ANKRD36B: variants seen among roughly 807,000 people sequenced by gnomAD.
The protein encoded by ANKRD36B is ankyrin repeat domain-containing protein 36B.
A neutral mutation model predicts 135.7 loss-of-function variants in ANKRD36B; 37 were observed. That is an observed-to-expected ratio of 0.27 (90% CI 0.21 to 0.36). ANKRD36B has a LOEUF of 0.36. ANKRD36B is among the 10% of genes least tolerant of loss of function. ANKRD36B has a pLI of 1.00. For synonymous variants in ANKRD36B, 179 were observed against 348.1 expected, an observed-to-expected ratio of 0.51 and a Z score of 5.41; for missense variants, 549 against 1,037.1, an observed-to-expected ratio of 0.53 and a Z score of 6.46.
rs1315477915 is a variant in ANKRD36B, at chr2:97,532,693, C to A, written c.2192-309G>T. 1.3e-4 allele frequency among the ~76,000 whole-genome samples: 11 copies of A among 86,136 alleles called. 2 individuals are homozygous for A. The East Asian group carries it at 2.4e-3, about 19-fold the overall frequency. The allele number at this position is 86,136 out of a possible 152,430, so 56.5% of individuals were successfully genotyped here. A position where few individuals can be genotyped will look rare whatever the true frequency, so the allele number is the denominator to read the frequency against. ...AGCTGAAGATCTCACCACTGCACCT[C>A]CAGCCTGGGTGGCAGAGCGAGACTG... On this transcript the variant is annotated intron_variant, in intron 34 of 43. Transcript: ENST00000359901.
In ANKRD36B at chr2:97,524,811, G is replaced by C. The variant is rs1421313813; in HGVS notation, c.2266-1344C>G. ...AAGTTTTTTTACCCTAATTTGTCTTGTTTGATCCACATTCTCTCATACTTT... is the reference window on the plus strand; with the variant it reads ...AAGTTTTTTTACCCTAATTTGTCTTCTTTGATCCACATTCTCTCATACTTT... On this transcript the variant is annotated intron_variant, in intron 35 of 43. Transcript: ENST00000359901. 4.1e-5 allele frequency: 4 copies of C among 96,748 alleles called. 1 individual carries two copies. Among genetic ancestry groups the C allele is most frequent in the African/African-American group, 1.2e-4 (4 of 32,278 alleles). The allele number at this position is 96,748 out of a possible 1,614,324, so 6.0% of individuals were successfully genotyped here.
intron 10 of ANKRD36B, 70 bp from the exon 11 acceptor site, chr2:97,557,202 T>C: frequency 6.7e-7 from 1 of 1,497,214 alleles, no homozygotes; most frequent in South Asian, 1.3e-5. Context: ...ATTCATGCAG[T>C]GTTAGCATCA....
Position 97,543,527 on chromosome 2 carries a change from C to T in ANKRD36B, c.1783+263G>A, listed in dbSNP as rs1258006682. On this transcript the variant is annotated intron_variant, in intron 26 of 43. Transcript: ENST00000359901. ...AATTAAAGCAAAATTATGCTGTTCCCCTGAGCCCCTTATGTCTTGAACTGC... is the reference window on the plus strand; with the variant it reads ...AATTAAAGCAAAATTATGCTGTTCCTCTGAGCCCCTTATGTCTTGAACTGC... Among the ~76,000 whole-genome samples the T allele has an allele frequency of 2.1e-5, 2 of 96,652 alleles. 1 individual carries two copies. Among genetic ancestry groups the T allele is most frequent in the Non-Finnish European group, 5.5e-5 (2 of 36,128 alleles). The allele number at this position is 96,652 out of a possible 152,430, so 63.4% of individuals were successfully genotyped here. A position where few individuals can be genotyped will look rare whatever the true frequency, so the allele number is the denominator to read the frequency against.
chr2:97,547,830 G>A, intron 20 of ANKRD36B, 99 bp from the exon 21 acceptor site: 2 of 1,480,940 alleles, frequency 1.4e-6, no homozygotes, highest in African/African-American at 1.4e-5. Context: ...CTTCCTGCCT[G>A]TATTAGCATA....
chr2:97,589,180 C>T (rs2083234029), intron 1 of ANKRD36B, among the ~76,000 whole-genome samples: 1 of 123,382 alleles, frequency 8.1e-6, no homozygotes, highest in Non-Finnish European at 1.7e-5. Flanking sequence ...ACCCCCACCT[C>T]CAGTCCTCTA....
In ANKRD36B at chr2:97,535,352, T is replaced by C. The variant is rs532875716; in HGVS notation, c.2191+948A>G. Among the ~76,000 whole-genome samples, 152 of 102,428 alleles carry C rather than the reference T, an allele frequency of 1.5e-3. 11 individuals are homozygous for C. Among genetic ancestry groups the C allele is most frequent in the African/African-American group, 3.7e-3 (133 of 36,248 alleles). 67.2% of individuals were successfully genotyped at this position (102,428 alleles called of 152,430 possible). A position where few individuals can be genotyped will look rare whatever the true frequency, so the allele number is the denominator to read the frequency against. ...AAAGATAGCACAAAGAAATGGTTAATGCTTGAGGTGATGGATAACCCATTA... is the reference window on the plus strand; with the variant it reads ...AAAGATAGCACAAAGAAATGGTTAACGCTTGAGGTGATGGATAACCCATTA... On this transcript the variant is annotated intron_variant, in intron 34 of 43. Coordinates refer to ENST00000359901, the MANE Select transcript of ANKRD36B (RefSeq NM_001393939.1).
intron 16 of ANKRD36B, among the ~76,000 whole-genome samples, chr2:97,552,203 C>A: frequency 6.6e-6 from 1 of 151,936 alleles, no homozygotes; most frequent in Non-Finnish European, 1.5e-5. Context: ...TGACATACTT[C>A]TACAAATAAA....
At chr2:97,564,236 A>C (rs573077151) in intron 6 of ANKRD36B, among the ~76,000 whole-genome samples, 1 of 152,182 alleles carries the variant, frequency 6.6e-6, no homozygotes, top group South Asian at 2.1e-4. Context: ...GAACCCTAAG[A>C]CCATAACAGC....
intron 1 of ANKRD36B, among the ~76,000 whole-genome samples, chr2:97,588,263 T>C (rs571513448): frequency 2.1e-4 from 32 of 152,192 alleles, no homozygotes; most frequent in South Asian, 2.1e-3. Context: ...CATTTATGAG[T>C]AATTCATCTT....
rs1244526818 is a variant in ANKRD36B, at chr2:97,584,961, T to C, written c.433A>G (p.Ile145Val). 1.2e-6 allele frequency: 2 copies of C among 1,605,558 alleles called. No homozygotes were observed. Among genetic ancestry groups the C allele is most frequent in the Non-Finnish European group, 1.7e-6 (2 of 1,177,892 alleles). ...ACCTATACCTTGCTGCATTCTTCAA[T>C]ATTTGTACCATGTGAAAGAAGTTTT... ...IEKLLSHGTNIEECSKNEYQP... is the reference protein window; with the variant it reads ...IEKLLSHGTNVEECSKNEYQP... The change falls in exon 3 of 44, where the codon ATT (isoleucine) becomes GTT (valine). Residue 145 changes from isoleucine (I) to valine (V), a missense_variant. Transcript: ENST00000359901.
intron 35 of ANKRD36B, chr2:97,524,700 T>C (rs1330996617): frequency 2.1e-5 from 2 of 97,366 alleles, no homozygotes; most frequent in African/African-American, 6.1e-5. Context: ...AGTTATTATG[T>C]AGTTGCTCTT....
At chr2:97,587,483 G>T (rs1192720783) in intron 1 of ANKRD36B, among the ~76,000 whole-genome samples, 1 of 152,110 alleles carries the variant, frequency 6.6e-6, no homozygotes, top group Non-Finnish European at 1.5e-5. Context: ...ACATACATCT[G>T]TATCTACTGA....
chr2:97,557,189 T>C (rs2080609657), intron 10 of ANKRD36B, 57 bp from the exon 11 acceptor site: 9 of 1,494,358 alleles, frequency 6.0e-6, no homozygotes, highest in South Asian at 2.6e-5. Context: ...AAGTCGTCCA[T>C]ACATTCATGC....
Position 97,536,925 on chromosome 2 carries a change from C to G in ANKRD36B, c.2090-429G>C, listed in dbSNP as rs2078918625. On this transcript the variant is annotated intron_variant, in intron 32 of 43. Coordinates refer to ENST00000359901, the MANE Select transcript of ANKRD36B (RefSeq NM_001393939.1). ...CATAAACATTCATCATGCTCTTTAGCTTGTCTGATAACTGAGAAGGTACAC... is the reference window on the plus strand; with the variant it reads ...CATAAACATTCATCATGCTCTTTAGGTTGTCTGATAACTGAGAAGGTACAC... Among the ~76,000 whole-genome samples the G allele has an allele frequency of 3.1e-5, 3 of 96,870 alleles. 1 individual carries two copies. In the East Asian group the frequency reaches 6.9e-4, roughly 22 times the overall value. The allele number at this position is 96,870 out of a possible 152,430, so 63.6% of individuals were successfully genotyped here.
intron 6 of ANKRD36B, among the ~76,000 whole-genome samples, chr2:97,576,141 G>A (rs2082219948): frequency 6.6e-6 from 1 of 150,388 alleles, no homozygotes; most frequent in African/African-American, 2.4e-5. Flanking sequence ...TACACAAAAA[G>A]GTCATCTAGA....
Position 97,576,385 on chromosome 2 carries a change from TG to T in ANKRD36B, c.756del (p.Ser252ArgfsTer25). 1 of 1,309,794 alleles carries T rather than the reference TG, an allele frequency of 7.6e-7. No homozygotes were observed. Among genetic ancestry groups the T allele is most frequent in the Admixed American group, 2.3e-5 (1 of 43,078 alleles). 81.1% of individuals were successfully genotyped at this position (1,309,794 alleles called of 1,614,324 possible). On this transcript the variant is annotated frameshift_variant, in exon 6 of 44. Coordinates refer to ENST00000359901, the MANE Select transcript of ANKRD36B (RefSeq NM_001393939.1). LOFTEE classifies it high-confidence loss of function. ...RKRYEDLPIN[S>X]NPVSPQKQRA... ...TCACTATCAGAAATCTCACCTGGAT[TG>T]CTATTTATAGGAAGATCTTCATATC...
chr2:97,551,537 T>C (rs2080068941), intron 16 of ANKRD36B, 57 bp from the exon 17 acceptor site: 5 of 1,603,438 alleles, frequency 3.1e-6, no homozygotes, highest in Admixed American at 1.7e-5. Flanking sequence ...AAGTTATCCA[T>C]ACATTCATGC....
chr2:97,560,301 A>G (rs2080902838), intron 8 of ANKRD36B, among the ~76,000 whole-genome samples: 1 of 151,898 alleles, frequency 6.6e-6, no homozygotes, highest in Admixed American at 6.6e-5. Context: ...CTCTGTTGAT[A>G]ACAATATGAT....
chr2:97,547,444 A>G lies in ANKRD36B; in HGVS notation c.1579+92T>C, dbSNP rs552766098. 72 of 1,276,710 alleles carry G rather than the reference A, an allele frequency of 5.6e-5. 2 individuals carry two copies. The South Asian group carries it at 9.4e-4, about 17-fold the overall frequency. The allele number at this position is 1,276,710 out of a possible 1,614,324, so 79.1% of individuals were successfully genotyped here. A position where few individuals can be genotyped will look rare whatever the true frequency, so the allele number is the denominator to read the frequency against. On this transcript the variant is annotated intron_variant, in intron 22 of 43. Transcript: ENST00000359901. ...TCAGGACTGCTGAATCAGAATGTGC[A>G]GCTTCAACGAGCCCCCCGCAGATTT... is the stretch of plus-strand genomic sequence containing the variant.
Sources: allele counts gnomAD v4.1 joint callset (sites outside exome capture counted in the v4.1 genomes callset), GRCh38; gene constraint gnomAD v4.1.1; transcripts MANE v1.5; gene names NCBI Gene and HGNC (gene_info 2026-07-23, HGNC 2026-07-21).